TRAF6: variants seen among roughly 807,000 people sequenced by gnomAD.
The protein encoded by TRAF6 is TNF receptor-associated factor 6.
Under a neutral mutation model 48.4 loss-of-function variants are expected in TRAF6, and 10 were observed. That is an observed-to-expected ratio of 0.21 (90% CI 0.13 to 0.35). TRAF6 has a LOEUF of 0.35. Ranked by LOEUF, TRAF6 falls within the 10% of genes least tolerant of loss-of-function variation. The pLI, the probability that TRAF6 is intolerant of heterozygous loss-of-function variation, is 1.00. For synonymous variants in TRAF6, 186 were observed against 219.6 expected (o/e 0.85, Z 1.35); for missense variants, 397 against 661.0 (o/e 0.60, Z 4.38).
chr11:36,496,172 C>G (rs1859629824), intron 4 of TRAF6, among the ~76,000 whole-genome samples: 1 of 152,024 alleles, frequency 6.6e-6, no homozygotes, highest in African/African-American at 2.4e-5. Flanking sequence ...TCAGGGTTAG[C>G]TTTTTTTATT....
chr11:36,508,274 CT>C (rs2133682236), intron 1 of TRAF6, among the ~76,000 whole-genome samples: 1 of 151,038 alleles, frequency 6.6e-6, no homozygotes, highest in African/African-American at 2.4e-5. Context: ...CTGTAATCCC[CT>C]TTTGCAGTTG....
chr11:36,492,482 T>C, intron 6 of TRAF6, 69 bp downstream of exon 6: 2 of 1,214,342 alleles, frequency 1.6e-6, no homozygotes, highest in African/African-American at 1.6e-5. Flanking sequence ...CTTGTTGTTA[T>C]TCTCCACTAC....
chr11:36,484,641 T>C lies in TRAF6; in HGVS notation c.*5197A>G, dbSNP rs963589433. ...GAAAAGGACACGAAGACAAAACTGA[T>C]TGACCCATGGTCAGTCAGGAGAAAA... is the stretch of plus-strand genomic sequence containing the variant. On this transcript the variant is annotated 3_prime_UTR_variant, in exon 7 of 7. Coordinates refer to ENST00000526995, the MANE Select transcript of TRAF6 (RefSeq NM_004620.4). Among the ~76,000 whole-genome samples, 3 of 60,878 alleles carry C rather than the reference T, an allele frequency of 4.9e-5. No individual in the cohort carries two copies. Among genetic ancestry groups the C allele is most frequent in the African/African-American group, 9.9e-5 (3 of 30,446 alleles). The allele number at this position is 60,878 out of a possible 152,430, so 39.9% of individuals were successfully genotyped here.
intron 1 of TRAF6, among the ~76,000 whole-genome samples, chr11:36,502,544 C>A (rs1859732091): frequency 1.3e-5 from 2 of 152,096 alleles, no homozygotes; most frequent in Admixed American, 1.3e-4. Context: ...GTCATATTCT[C>A]CTGCTTGTCT....
chr11:36,498,466 A>G, intron 3 of TRAF6, 24 bp downstream of exon 3: 1 of 1,596,976 alleles, frequency 6.3e-7, no homozygotes, highest in Non-Finnish European at 8.5e-7. Flanking sequence ...ACATGTGCTA[A>G]CAGCTAGAAA....
intron 1 of TRAF6, among the ~76,000 whole-genome samples, chr11:36,505,436 C>G (rs1859772187): frequency 6.6e-6 from 1 of 152,134 alleles, no homozygotes; most frequent in Non-Finnish European, 1.5e-5. Context: ...TCCAACTTTT[C>G]TTTTGCAGCT....
chr11:36,484,497 T>A lies in TRAF6; in HGVS notation c.*5341A>T, dbSNP rs1038686952. On this transcript the variant is annotated 3_prime_UTR_variant, in exon 7 of 7. Coordinates refer to ENST00000526995, the MANE Select transcript of TRAF6 (RefSeq NM_004620.4). ...TCATTCCACAGCTTGTCATACAGTT[T>A]ACAGAATTATGAGAATCCTCCCTGG... Among the ~76,000 whole-genome samples the A allele has an allele frequency of 6.6e-5, 10 of 152,236 alleles. No homozygotes were observed. The highest frequency in any genetic ancestry group is 2.4e-4 in the African/African-American group (10 of 41,460).
Position 36,489,700 on chromosome 11 carries a change from G to GT in TRAF6, c.*137dup, listed in dbSNP as rs1859534658. 3 of 949,098 alleles carry GT rather than the reference G, an allele frequency of 3.2e-6. No homozygotes were observed. The highest frequency in any genetic ancestry group is 3.4e-5 in the South Asian group (2 of 59,290). The allele number at this position is 949,098 out of a possible 1,614,324, so 58.8% of individuals were successfully genotyped here. Reference sequence around the variant, plus strand: ...AGATCATTTGTAACAGGAAGAAATAGTAAGTGACCTCTCTAACAACACTCA... The same window carrying GT: ...AGATCATTTGTAACAGGAAGAAATAGTTAAGTGACCTCTCTAACAACACTCA... On this transcript the variant is annotated 3_prime_UTR_variant, in exon 7 of 7. Coordinates refer to ENST00000526995, the MANE Select transcript of TRAF6 (RefSeq NM_004620.4).
chr11:36,506,625 A>G (rs1859788449), intron 1 of TRAF6, among the ~76,000 whole-genome samples: 1 of 152,172 alleles, frequency 6.6e-6, no homozygotes, highest in South Asian at 2.1e-4. Flanking sequence ...AAAGGCTTGA[A>G]GGTCTTTAGG....
Position 36,489,265 on chromosome 11 carries a change from A to G in TRAF6, c.*573T>C, listed in dbSNP as rs1257531301. 6.5e-6 allele frequency: 1 copy of G among 153,502 alleles called. No individual in the cohort carries two copies. The highest frequency in any genetic ancestry group is 1.5e-5 in the Non-Finnish European group (1 of 68,642). 9.5% of individuals were successfully genotyped at this position (153,502 alleles called of 1,614,324 possible). On this transcript the variant is annotated 3_prime_UTR_variant, in exon 7 of 7. Coordinates refer to ENST00000526995, the MANE Select transcript of TRAF6 (RefSeq NM_004620.4). ...AAACTCATCCCTGAATATCCTTAGT[A>G]ACAACCTGGAGGAAAAACTGGGGTG... is the stretch of plus-strand genomic sequence containing the variant.
At chr11:36,499,577 A>G (rs2133673911) in intron 2 of TRAF6, among the ~76,000 whole-genome samples, 1 of 152,284 alleles carries the variant, frequency 6.6e-6, no homozygotes, top group Non-Finnish European at 1.5e-5. Context: ...TCAGCCTGGG[A>G]GACAGAGCAA....
rs563549800 is a variant in TRAF6 at position 36,489,853 on chromosome 11, A to G, written c.1554T>C (p.Thr518=). 1 of 1,613,668 alleles carries G rather than the reference A, an allele frequency of 6.2e-7. No homozygotes were observed. Among genetic ancestry groups the G allele is most frequent in the East Asian group, 2.2e-5 (1 of 44,880 alleles). The change falls in exon 7 of 7, where the codon ACT becomes ACC. Residue 518 remains threonine, a synonymous_variant. Coordinates refer to ENST00000526995, the MANE Select transcript of TRAF6 (RefSeq NM_004620.4). ...TGAGGGCAAGCTATACCCCTGCATC[A>G]GTACTTCGTGGCTGAAAACCCTCCC... ...LRREGFQPRS[T]DAGV
In TRAF6 at chr11:36,484,960, T is replaced by C. The variant is rs1010183704; in HGVS notation, c.*4878A>G. The stretch of plus-strand genomic sequence containing the variant: ...AATTAGCTTAACGTGAGGGCTGCAA[T>C]TCCAGTTACAAAGCAAATGTCCCAA... On this transcript the variant is annotated 3_prime_UTR_variant, in exon 7 of 7. Transcript: ENST00000526995. Among the ~76,000 whole-genome samples, 1 of 152,210 alleles carries C rather than the reference T, an allele frequency of 6.6e-6. No individual in the cohort carries two copies. The highest frequency in any genetic ancestry group is 2.4e-5 in the African/African-American group (1 of 41,456).
chr11:36,509,806 G>A (rs1428985927), intron 1 of TRAF6, among the ~76,000 whole-genome samples: 1 of 150,898 alleles, frequency 6.6e-6, no homozygotes, highest in African/African-American at 2.4e-5. Context: ...CGGTGTCCTC[G>A]ACCAGCGGGA....
At chr11:36,507,516 C>T (rs202085373) in intron 1 of TRAF6, among the ~76,000 whole-genome samples, 248 of 1,162 alleles carry the variant, frequency 0.21, 94 homozygotes, top group Non-Finnish European at 0.76. Context: ...TGTATACATG[C>T]ATATATACAT....
chr11:36,497,637 A>C (rs1859658630), intron 3 of TRAF6, among the ~76,000 whole-genome samples: 1 of 152,094 alleles, frequency 6.6e-6, no homozygotes, highest in South Asian at 2.1e-4. Context: ...TATAACACTA[A>C]ATTTAATTTC....
chr11:36,495,266 AGCAGGGTAGT>A (rs1322181421), intron 4 of TRAF6, among the ~76,000 whole-genome samples: 2 of 152,340 alleles, frequency 1.3e-5, no homozygotes, highest in Middle Eastern at 3.4e-3. Context: ...TCTTTAAAAG[AGCAGGGTAGT>A]ATATAAAAAA....
intron 1 of TRAF6, among the ~76,000 whole-genome samples, chr11:36,505,303 G>A (rs1362917823): frequency 2.0e-5 from 3 of 152,182 alleles, no homozygotes; most frequent in Non-Finnish European, 4.4e-5. Context: ...ATCAACGATC[G>A]TAGCTAGATC....
At chr11:36,498,431 C>T in intron 3 of TRAF6, 59 bp downstream of exon 3, 12 of 1,527,702 alleles carry the variant, frequency 7.9e-6, no homozygotes, top group African/African-American at 1.4e-5. Flanking sequence ...AGCAAAGTCC[C>T]TATTCTGTAG....
Sources: gnomAD v4.1 joint callset for allele counts (sites outside exome capture counted in the v4.1 genomes callset) on GRCh38, gnomAD v4.1.1 for gene constraint, MANE v1.5 for transcripts, NCBI Gene and HGNC (gene_info 2026-07-23, HGNC 2026-07-21) for gene names.